RPH3A: variants seen among roughly 807,000 people sequenced by gnomAD.
RPH3A encodes rabphilin-3A.
In RPH3A, 48 loss-of-function variants were observed where a neutral mutation model predicts 102.2. That is an observed-to-expected ratio of 0.47 (90% CI 0.37 to 0.60). The LOEUF (loss-of-function observed/expected upper bound fraction) is 0.60, where lower values mean the gene tolerates loss of function less well. Among genes scored for constraint, RPH3A ranks in the 20% least tolerant of loss-of-function variants. The probability of loss-of-function intolerance (pLI) is 0.00; values close to 1 mark genes in which losing one functional copy is unlikely to be tolerated. For missense variants in RPH3A, 781 were observed against 910.1 expected (o/e 0.86, Z 1.83); for synonymous variants, 310 against 324.3 (o/e 0.96, Z 0.47).
chr12:112,709,055 C>T (rs1210252691), intron 1 of RPH3A, among the ~76,000 whole-genome samples: 1 of 151,944 alleles, frequency 6.6e-6, no homozygotes, highest in Non-Finnish European at 1.5e-5. Flanking sequence ...CCACCAAAAC[C>T]CTAAAACTCT....
chr12:112,726,058 G>A (rs569089208), intron 1 of RPH3A, among the ~76,000 whole-genome samples: 123 of 151,766 alleles, frequency 8.1e-4, no homozygotes, highest in African/African-American at 2.6e-3. Flanking sequence ...GCCTCCCAAA[G>A]TGCTGGGATT....
At chr12:112,864,178 C>G (rs369172965) in intron 5 of RPH3A, among the ~76,000 whole-genome samples, 2 of 152,136 alleles carry the variant, frequency 1.3e-5, no homozygotes, top group South Asian at 4.1e-4. Flanking sequence ...TCAGGCCAGG[C>G]GCAGGGGCTC....
chr12:112,621,682 A>G (rs1191491296), intron 1 of RPH3A, among the ~76,000 whole-genome samples: 1 of 152,014 alleles, frequency 6.6e-6, no homozygotes, highest in Admixed American at 6.5e-5. Flanking sequence ...GCAGCCAGGA[A>G]GCTCGAACTG....
intron 1 of RPH3A, among the ~76,000 whole-genome samples, chr12:112,697,259 G>A (rs1166413768): frequency 8.5e-5 from 13 of 152,110 alleles, no homozygotes; most frequent in Admixed American, 7.9e-4. Context: ...GAACTCATAA[G>A]AGAATTTAGC....
At chr12:112,683,764 G>C (rs1428219767) in intron 1 of RPH3A, among the ~76,000 whole-genome samples, 1 of 152,094 alleles carries the variant, frequency 6.6e-6, no homozygotes, top group Admixed American at 6.5e-5. Flanking sequence ...CAACTCTTCA[G>C]GATTGGGCCT....
At chr12:112,714,389 C>G (rs889789970) in intron 1 of RPH3A, among the ~76,000 whole-genome samples, 2 of 152,120 alleles carry the variant, frequency 1.3e-5, no homozygotes, top group African/African-American at 4.8e-5. Context: ...AGGGTGCGTG[C>G]AGGAGCCAGG....
chr12:112,826,675 A>G (rs906404040), intron 2 of RPH3A, among the ~76,000 whole-genome samples: 1 of 152,208 alleles, frequency 6.6e-6, no homozygotes, highest in Non-Finnish European at 1.5e-5. Flanking sequence ...TTGTGTCAAT[A>G]TAATCAAACA....
intron 1 of RPH3A, among the ~76,000 whole-genome samples, chr12:112,603,538 C>G (rs953622615): frequency 1.3e-5 from 2 of 151,830 alleles, no homozygotes; most frequent in African/African-American, 2.4e-5. Flanking sequence ...ACAACAAAAA[C>G]AAAAAAATCA....
intron 2 of RPH3A, among the ~76,000 whole-genome samples, chr12:112,793,867 G>T (rs1466102051): frequency 6.6e-6 from 1 of 152,064 alleles, no homozygotes; most frequent in East Asian, 1.9e-4. Flanking sequence ...GAGGTTTGGG[G>T]GGATCTTAGG....
intron 1 of RPH3A, among the ~76,000 whole-genome samples, chr12:112,778,500 A>T (rs991838433): frequency 3.9e-5 from 6 of 152,106 alleles, no homozygotes; most frequent in African/African-American, 1.4e-4. Context: ...TATGAATTTA[A>T]TTTTTTTTAG....
At chr12:112,808,080 A>G (rs2041503106) in intron 2 of RPH3A, among the ~76,000 whole-genome samples, 1 of 152,108 alleles carries the variant, frequency 6.6e-6, no homozygotes, top group Non-Finnish European at 1.5e-5. Context: ...CAACCTAATG[A>G]TCTTTGCTCT....
rs189964325 is a variant in RPH3A, at chr12:112,604,552, C to T, written c.-140+29233C>T. ...TTACAGATAGAGAAATGGTGTCTCACTGTATTAGTTTTCTATTACTAGGTA... is the reference window on the plus strand; with the variant it reads ...TTACAGATAGAGAAATGGTGTCTCATTGTATTAGTTTTCTATTACTAGGTA... On this transcript the variant is annotated intron_variant, in intron 1 of 21. Coordinates refer to the RPH3A transcript ENST00000543106. 5.5e-3 allele frequency among the ~76,000 whole-genome samples: 840 copies of T among 152,266 alleles called. 6 individuals carry two copies. Among genetic ancestry groups the T allele is most frequent in the African/African-American group, 0.019 (799 of 41,540 alleles).
At chr12:112,805,336 A>G (rs559811232) in intron 2 of RPH3A, among the ~76,000 whole-genome samples, 18 of 151,986 alleles carry the variant, frequency 1.2e-4, no homozygotes, top group Admixed American at 2.6e-4. Context: ...TTTTTAATGC[A>G]GATGCTCAAG....
At chr12:112,663,548 C>A (rs1352908281) in intron 1 of RPH3A, among the ~76,000 whole-genome samples, 2 of 151,992 alleles carry the variant, frequency 1.3e-5, no homozygotes, top group Non-Finnish European at 2.9e-5. Flanking sequence ...ATAGAGACAG[C>A]GTCTCACTAT....
chr12:112,862,012 C>CAA (rs56918360), intron 5 of RPH3A, among the ~76,000 whole-genome samples: 111 of 78,374 alleles, frequency 1.4e-3, no homozygotes, highest in African/African-American at 4.4e-3. Flanking sequence ...GACTCCGTCT[C>CAA]AAAAAAAAAA....
chr12:112,853,127 T>G (rs2042351654), intron 5 of RPH3A, among the ~76,000 whole-genome samples: 1 of 152,196 alleles, frequency 6.6e-6, no homozygotes, highest in South Asian at 2.1e-4. Context: ...ATATATTTTT[T>G]CCAAAATATG....
intron 1 of RPH3A, among the ~76,000 whole-genome samples, chr12:112,628,091 C>T (rs1456414950): frequency 2.0e-5 from 3 of 152,012 alleles, no homozygotes; most frequent in Admixed American, 2.0e-4. Flanking sequence ...CCCCCATGAT[C>T]CAATCACCCA....
Position 112,876,819 on chromosome 12 carries a change from C to T in RPH3A, c.1124C>T (p.Pro375Leu), listed in dbSNP as rs762909268. 1.9e-6 allele frequency: 3 copies of T among 1,610,320 alleles called. No individual in the cohort carries two copies. The highest frequency in any genetic ancestry group is 2.5e-6 in the Non-Finnish European group (3 of 1,177,976). The change falls in exon 13 of 22, where the codon CCA (proline) becomes CTA (leucine). Residue 375 changes from proline to leucine, a missense_variant. Physicochemically the swap from Pro to Leu is moderately conservative, Grantham distance 98 (BLOSUM62 -3). Coordinates refer to ENST00000389385, the MANE Select transcript of RPH3A (RefSeq NM_001143854.2). Reference sequence around the variant, plus strand: ...GCTGCAGCCCGCCAGCCACCACCCCCAGAGGAGGAGGAAGAGGAAGCCAAC... The same window carrying T: ...GCTGCAGCCCGCCAGCCACCACCCCTAGAGGAGGAGGAAGAGGAAGCCAAC... ...QPAAARQPPPPEEEEEEANSY... is the reference protein window; with the variant it reads ...QPAAARQPPPLEEEEEEANSY...
intron 1 of RPH3A, among the ~76,000 whole-genome samples, chr12:112,738,058 C>T (rs1592972562): frequency 6.6e-6 from 1 of 152,192 alleles, no homozygotes; most frequent in African/African-American, 2.4e-5. Flanking sequence ...CTTTCAGCTT[C>T]TTTTGGTTCC....
Sources: gnomAD v4.1 joint callset for allele counts (sites outside exome capture counted in the v4.1 genomes callset) on GRCh38, gnomAD v4.1.1 for gene constraint, MANE v1.5 for transcripts, NCBI Gene and HGNC (gene_info 2026-07-23, HGNC 2026-07-21) for gene names.